The following TSPAN15 variants were observed in gnomAD, a reference collection of about 807,000 sequenced individuals.
TSPAN15 encodes tetraspanin 15.
In TSPAN15, 20 loss-of-function variants were observed where a neutral mutation model predicts 34.5. The observed-to-expected ratio is 0.58, with a 90% CI of 0.41 to 0.84. The LOEUF is 0.84. TSPAN15 is among the 40% of genes least tolerant of loss of function. TSPAN15 has a pLI of 0.00. For missense variants in TSPAN15, 313 were observed against 386.1 expected (o/e 0.81, Z 1.59); for synonymous variants, 155 against 153.9 (o/e 1.01, Z -0.05).
rs113928062 is a variant in TSPAN15, at chr10:69,452,296, G to A, written c.96+606G>A. ...CTTTACCTCCTCCTCTGCCTTGTTA[G>A]GGGGCAGGATGGTAGTGTTTAGACA... On this transcript the variant is annotated intron_variant, in intron 1 of 7. Transcript: ENST00000373290. Among the ~76,000 whole-genome samples, 1,210 of 152,320 alleles carry A rather than the reference G, an allele frequency of 7.9e-3. 21 individuals carry two copies. The highest frequency in any genetic ancestry group is 0.028 in the African/African-American group (1,155 of 41,568).
chr10:69,504,632 T>A, intron 6 of TSPAN15, 147 bp downstream of exon 6: 1 of 816,276 alleles, frequency 1.2e-6, no homozygotes, highest in Non-Finnish European at 2.0e-6. Flanking sequence ...ACTGCTGTGG[T>A]TTTCCACCCC....
At chr10:69,455,629 C>CCCG (rs1841087880) in intron 1 of TSPAN15, among the ~76,000 whole-genome samples, 1 of 101,436 alleles carries the variant, frequency 9.9e-6, no homozygotes, top group African/African-American at 4.1e-5. Flanking sequence ...TCTCTCTCCC[C>CCCG]CCCCCGTCTC....
intron 1 of TSPAN15, among the ~76,000 whole-genome samples, chr10:69,467,632 AAAACAAC>A (rs1841412787): frequency 7.4e-6 from 1 of 134,298 alleles, no homozygotes. Context: ...AAAACAAAAC[AAAACAAC>A]ACACACACAC....
the TSPAN15 span, chr10:69,523,257 C>G: frequency 3.1e-6 from 1 of 327,748 alleles, no homozygotes; most frequent in South Asian, 4.3e-5. Context: ...TTTTTCTGCT[C>G]CAACTCTCAA....
At chr10:69,490,724 C>CA (rs1554833918) in intron 3 of TSPAN15, among the ~76,000 whole-genome samples, 1 of 152,162 alleles carries the variant, frequency 6.6e-6, no homozygotes, top group Non-Finnish European at 1.5e-5. Context: ...GATTCTGTCT[C>CA]AAACAAAACA....
intron 3 of TSPAN15, 45 bp downstream of exon 3, chr10:69,485,260 C>T (rs767523874): frequency 4.4e-5 from 70 of 1,577,656 alleles, no homozygotes; most frequent in Non-Finnish European, 6.1e-6. Context: ...TATGGAGCAC[C>T]CACTGTGGGT....
chr10:69,461,329 G>A (rs1841251530), intron 1 of TSPAN15, among the ~76,000 whole-genome samples: 1 of 152,316 alleles, frequency 6.6e-6, no homozygotes, highest in South Asian at 2.1e-4. Context: ...GGACTTTCTC[G>A]CCAAGACATT....
intron 1 of TSPAN15, among the ~76,000 whole-genome samples, chr10:69,458,890 G>C (rs17490626): frequency 0.083 from 12,633 of 152,106 alleles, 727 homozygotes; most frequent in Non-Finnish European, 0.12. Context: ...GCTGCCTTTG[G>C]GTTGGTTCCT....
intron 1 of TSPAN15, among the ~76,000 whole-genome samples, chr10:69,476,128 T>G (rs1055137064): frequency 1.3e-5 from 2 of 151,802 alleles, no homozygotes; most frequent in African/African-American, 4.8e-5. Context: ...TTCTAAAATG[T>G]GTATGGAAGA....
At chr10:69,521,103 G>C in the TSPAN15 span, among the ~76,000 whole-genome samples, 4 of 152,090 alleles carry the variant, frequency 2.6e-5, no homozygotes, top group Non-Finnish European at 1.5e-5. Flanking sequence ...GAGTGTGTCT[G>C]TGAGTGTGTT....
At chr10:69,526,013 T>A in the TSPAN15 span, among the ~76,000 whole-genome samples, 1 of 146,348 alleles carries the variant, frequency 6.8e-6, no homozygotes, top group African/African-American at 2.5e-5. Flanking sequence ...GGTGAAAAAA[T>A]TTAATAAAAC....
the TSPAN15 span, among the ~76,000 whole-genome samples, chr10:69,521,010 G>A: frequency 7.6e-6 from 1 of 131,570 alleles, no homozygotes; most frequent in Non-Finnish European, 1.7e-5. Flanking sequence ...TTTTTTTTTT[G>A]GACAATAGCT....
At chr10:69,479,183 G>T (rs1841678683) in intron 1 of TSPAN15, among the ~76,000 whole-genome samples, 1 of 152,238 alleles carries the variant, frequency 6.6e-6, no homozygotes, top group South Asian at 2.1e-4. Context: ...GTGAAAATGG[G>T]CCTTGCAGGT....
intron 1 of TSPAN15, among the ~76,000 whole-genome samples, chr10:69,476,348 C>T (rs2133097734): frequency 6.6e-6 from 1 of 152,178 alleles, no homozygotes; most frequent in South Asian, 2.1e-4. Context: ...CATAGCAGAT[C>T]AGTGGGGACA....
the TSPAN15 span, among the ~76,000 whole-genome samples, chr10:69,524,479 AAAAC>A: frequency 1.4e-5 from 2 of 147,428 alleles, no homozygotes; most frequent in African/African-American, 4.9e-5. Flanking sequence ...ACAAAAACAA[AAAAC>A]AAACAAACAA....
intron 3 of TSPAN15, among the ~76,000 whole-genome samples, chr10:69,492,751 C>T (rs998479628): frequency 6.6e-6 from 1 of 152,226 alleles, no homozygotes; most frequent in Non-Finnish European, 1.5e-5. Context: ...TCTGCCACTT[C>T]CCCTCCTTCC....
At chr10:69,503,572 G>T (rs1488693488) in intron 5 of TSPAN15, among the ~76,000 whole-genome samples, 1 of 152,188 alleles carries the variant, frequency 6.6e-6, no homozygotes, top group Non-Finnish European at 1.5e-5. Context: ...GGCAGAGCAA[G>T]ATCTGGACCC....
intron 3 of TSPAN15, among the ~76,000 whole-genome samples, chr10:69,491,142 A>C (rs1841959929): frequency 6.6e-6 from 1 of 152,230 alleles, no homozygotes; most frequent in Non-Finnish European, 1.5e-5. Flanking sequence ...AGGGTCTGGC[A>C]GATGCTCACT....
intron 1 of TSPAN15, among the ~76,000 whole-genome samples, chr10:69,463,707 G>T (rs1841319359): frequency 6.6e-6 from 1 of 151,970 alleles, no homozygotes; most frequent in South Asian, 2.1e-4. Context: ...TTACTTGGGA[G>T]GCTGAGGCAG....
Sources: allele counts gnomAD v4.1 joint callset (sites outside exome capture counted in the v4.1 genomes callset), GRCh38; gene constraint gnomAD v4.1.1; transcripts MANE v1.5; gene names NCBI Gene and HGNC (gene_info 2026-07-23, HGNC 2026-07-21).